Variants in NXPE2 observed in about 807,000 individuals in gnomAD.
NXPE2 encodes NXPE family member 2.
Under a neutral mutation model 34.4 loss-of-function variants are expected in NXPE2, and 34 were observed. The ratio of observed to expected loss-of-function variants is 0.99; its 90% CI spans 0.75 to 1.31. The LOEUF is 1.31. Among genes scored for constraint, NXPE2 ranks in the 40% most tolerant of loss-of-function variants. The pLI is 0.00. For missense variants in NXPE2, 649 were observed against 672.5 expected (o/e 0.97, Z 0.39); for synonymous variants, 235 against 231.3 (o/e 1.02, Z -0.15).
chr11:114,790,991 C>T, the NXPE2 span, among the ~76,000 whole-genome samples: 40 of 151,286 alleles, frequency 2.6e-4, no homozygotes, highest in Non-Finnish European at 4.1e-4. Flanking sequence ...TTTAAGGAGG[C>T]GTATCTCCAA....
chr11:114,780,029 T>C, the NXPE2 span, among the ~76,000 whole-genome samples: 1 of 152,204 alleles, frequency 6.6e-6, no homozygotes, highest in Admixed American at 6.5e-5. Context: ...GTAAAATTCA[T>C]ATCACAGACG....
chr11:114,622,959 G>A, the NXPE2 span, among the ~76,000 whole-genome samples: 4 of 152,076 alleles, frequency 2.6e-5, no homozygotes, highest in Non-Finnish European at 5.9e-5. Flanking sequence ...TTACCCATTG[G>A]GTAATATGTA....
At chr11:114,609,231 G>T in the NXPE2 span, among the ~76,000 whole-genome samples, 2 of 151,720 alleles carry the variant, frequency 1.3e-5, no homozygotes, top group African/African-American at 2.4e-5. Context: ...TTGCTTCGTG[G>T]GTAACCACTC....
At chr11:114,661,282 A>G in the NXPE2 span, among the ~76,000 whole-genome samples, 2 of 152,328 alleles carry the variant, frequency 1.3e-5, no homozygotes, top group East Asian at 1.9e-4. Flanking sequence ...GGTAAGGGAA[A>G]TAGAATAATC....
chr11:114,650,424 C>T, the NXPE2 span, among the ~76,000 whole-genome samples: 2 of 152,238 alleles, frequency 1.3e-5, no homozygotes, highest in South Asian at 2.1e-4. Context: ...CAGAGAAGAC[C>T]AGGAGATTGA....
the NXPE2 span, among the ~76,000 whole-genome samples, chr11:114,788,907 G>T: frequency 1.3e-5 from 2 of 152,118 alleles, no homozygotes; most frequent in Admixed American, 1.3e-4. Flanking sequence ...TTACACCACT[G>T]GTTCCTTGTA....
At chr11:114,673,399 T>C in the NXPE2 span, among the ~76,000 whole-genome samples, 3 of 151,462 alleles carry the variant, frequency 2.0e-5, no homozygotes, top group Non-Finnish European at 3.0e-5. Context: ...ATCAATAACC[T>C]AACTTTTCAC....
At chr11:114,658,767 A>G in the NXPE2 span, among the ~76,000 whole-genome samples, 6 of 152,192 alleles carry the variant, frequency 3.9e-5, no homozygotes, top group African/African-American at 1.4e-4. Context: ...AGAAGAGGAC[A>G]GGATCACTGA....
chr11:114,737,365 CG>C, the NXPE2 span, among the ~76,000 whole-genome samples: 1 of 151,804 alleles, frequency 6.6e-6, no homozygotes, highest in African/African-American at 2.4e-5. Flanking sequence ...GGGGCATTAG[CG>C]GATGTCAGTG....
rs1237528176 is a variant in NXPE2 at position 114,702,043 on chromosome 11, A to G, written c.867-1948A>G. 8.5e-5 allele frequency among the ~76,000 whole-genome samples: 13 copies of G among 152,282 alleles called. No homozygotes were observed. The East Asian group carries it at 9.7e-4, about 11-fold the overall frequency. ...TCTCTCCCTCAACCTTGGCTGAAGA[A>G]TCAGAAATGTTACTTCCTAGGATAT... On this transcript the variant is annotated intron_variant, in intron 3 of 5. Coordinates refer to ENST00000389586, the MANE Select transcript of NXPE2 (RefSeq NM_182495.6).
At chr11:114,607,728 G>A in the NXPE2 span, among the ~76,000 whole-genome samples, 1 of 151,984 alleles carries the variant, frequency 6.6e-6, no homozygotes, top group Non-Finnish European at 1.5e-5. Flanking sequence ...TGCCTCGTGG[G>A]TAACCACAGT....
At chr11:114,532,234 T>C in the NXPE2 span, among the ~76,000 whole-genome samples, 6 of 152,184 alleles carry the variant, frequency 3.9e-5, no homozygotes, top group Non-Finnish European at 5.9e-5. Flanking sequence ...TTAAAAAAGA[T>C]GAACAGAACC....
At chr11:114,720,455 C>G in the NXPE2 span, among the ~76,000 whole-genome samples, 2 of 152,138 alleles carry the variant, frequency 1.3e-5, no homozygotes, top group African/African-American at 4.8e-5. Context: ...TCATATGTGT[C>G]GGGGTAGCAC....
At chr11:114,519,371 T>A in the NXPE2 span, among the ~76,000 whole-genome samples, 1 of 152,184 alleles carries the variant, frequency 6.6e-6, no homozygotes, top group African/African-American at 2.4e-5. Context: ...TCTAAAGAGA[T>A]GGTAAAACCT....
At chr11:114,555,218 A>G in the NXPE2 span, among the ~76,000 whole-genome samples, 1 of 152,006 alleles carries the variant, frequency 6.6e-6, no homozygotes, top group African/African-American at 2.4e-5. Flanking sequence ...TTTACATTCA[A>G]TAAGAATACA....
At chr11:114,524,451 A>G in the NXPE2 span, among the ~76,000 whole-genome samples, 1 of 152,192 alleles carries the variant, frequency 6.6e-6, no homozygotes, top group Non-Finnish European at 1.5e-5. Flanking sequence ...ACAAAGTGGT[A>G]AAATGGTGCT....
intron 2 of NXPE2, among the ~76,000 whole-genome samples, chr11:114,696,544 T>A (rs1214122781): frequency 6.6e-6 from 1 of 151,944 alleles, no homozygotes; most frequent in African/African-American, 2.4e-5. Flanking sequence ...CAAGAATAAA[T>A]AAGATCATTA....
chr11:114,547,946 T>C, the NXPE2 span, among the ~76,000 whole-genome samples: 2 of 152,156 alleles, frequency 1.3e-5, no homozygotes, highest in African/African-American at 4.8e-5. Flanking sequence ...CTTACAATTT[T>C]TCTGTAAACC....
chr11:114,559,349 C>T, the NXPE2 span, among the ~76,000 whole-genome samples: 1 of 152,146 alleles, frequency 6.6e-6, no homozygotes, highest in Admixed American at 6.5e-5. Flanking sequence ...TTTTGAATTC[C>T]TGTGACATAT....
Sources: allele counts gnomAD v4.1 joint callset (sites outside exome capture counted in the v4.1 genomes callset), GRCh38; gene constraint gnomAD v4.1.1; transcripts MANE v1.5; gene names NCBI Gene and HGNC (gene_info 2026-07-23, HGNC 2026-07-21).